Variants in DMD observed in about 807,000 individuals in gnomAD.
DMD encodes dystrophin.
Under a neutral mutation model 330.1 loss-of-function variants are expected in DMD, and 63 were observed. The ratio of observed to expected loss-of-function variants is 0.19; its 90% CI spans 0.16 to 0.24. DMD has a LOEUF of 0.24. DMD is among the 10% of genes least tolerant of loss of function. The pLI is 1.00. For synonymous variants in DMD, 1,223 were observed against 959.8 expected, an observed-to-expected ratio of 1.27 and a Z score of -5.07; for missense variants, 3,344 against 2,684.1, an observed-to-expected ratio of 1.25 and a Z score of -5.43.
chrX:33,078,489 T>C (rs1403800973), intron 1 of DMD, among the ~76,000 whole-genome samples: 1 of 112,029 alleles, frequency 8.9e-6, no homozygotes, highest in Non-Finnish European at 1.9e-5. Flanking sequence ...TGTCACTGAG[T>C]GTATTTTACT....
Position 32,863,509 on chromosome X carries a change from CA to C in DMD, c.94-13690del, listed in dbSNP as rs544421635. Among the ~76,000 whole-genome samples the C allele has an allele frequency of 1.2e-3, 57 of 49,051 alleles. 1 individual carries two copies. The highest frequency in any genetic ancestry group is 3.4e-3 in the East Asian group (5 of 1,463). The allele number at this position is 49,051 out of a possible 115,157, so 42.6% of individuals were successfully genotyped here. Reference sequence around the variant, plus strand: ...TGGGTGGCAGAGTGAGACTCCGTCTCAAAAAAAAAAAAAAAAGATTGTGTTT... The same window carrying C: ...TGGGTGGCAGAGTGAGACTCCGTCTCAAAAAAAAAAAAAAAGATTGTGTTT... On this transcript the variant is annotated intron_variant, in intron 2 of 78. Transcript: ENST00000357033.
At chrX:32,505,990 A>G (rs766037174) in intron 18 of DMD, among the ~76,000 whole-genome samples, 28 of 112,398 alleles carry the variant, frequency 2.5e-4, no homozygotes, top group Admixed American at 5.7e-4. Context: ...GTAAACTACA[A>G]AACAATCAGT....
intron 60 of DMD, among the ~76,000 whole-genome samples, chrX:31,397,257 A>C (rs2060986702): frequency 8.9e-6 from 1 of 112,140 alleles, no homozygotes; most frequent in Non-Finnish European, 1.9e-5. Flanking sequence ...CTCATGTTTT[A>C]ATTTCATCTC....
chrX:32,880,892 C>T (rs749836099), intron 2 of DMD, among the ~76,000 whole-genome samples: 3 of 112,351 alleles, frequency 2.7e-5, no homozygotes, highest in South Asian at 3.6e-4. Flanking sequence ...TGCGGTGAGC[C>T]GATATTGCGC....
chrX:32,807,141 AAAAAAAAAC>A (rs1160285000), intron 7 of DMD, among the ~76,000 whole-genome samples: 9 of 104,411 alleles, frequency 8.6e-5, no homozygotes, highest in African/African-American at 3.2e-4. Context: ...AAAAAAAAAA[AAAAAAAAAC>A]ATCAACAAAT....
chrX:32,644,243 A>G lies in DMD; in HGVS notation c.1220T>C (p.Ile407Thr), dbSNP rs200637510. The change falls in exon 11 of 79, where the codon ATT (isoleucine) becomes ACT (threonine). Residue 407 changes from isoleucine (I) to threonine (T), a missense_variant. Physicochemically the swap from Ile to Thr is moderately conservative, Grantham distance 89 (BLOSUM62 -1). Transcript: ENST00000357033. ...GNILQLGSKL[I>T]GTGKLSEDEE... is the part of the protein sequence containing the mutation. Reference sequence around the variant, plus strand: ...ATCTTCTGATAATTTTCCTGTTCCAATCAGCTTACTTCCCAATTGTAGAAT... The same window carrying G: ...ATCTTCTGATAATTTTCCTGTTCCAGTCAGCTTACTTCCCAATTGTAGAAT... 22 of 1,209,233 alleles carry G rather than the reference A, an allele frequency of 1.8e-5. No individual in the cohort carries two copies. Among genetic ancestry groups the G allele is most frequent in the Non-Finnish European group, 2.5e-5 (22 of 894,827 alleles).
intron 49 of DMD, among the ~76,000 whole-genome samples, chrX:31,831,389 C>G (rs73213898): frequency 0.089 from 9,918 of 111,638 alleles, 344 homozygotes; most frequent in Middle Eastern, 0.11. Flanking sequence ...GGAAATGCTA[C>G]TCAATTAAGA....
At chrX:32,429,387 G>GTTTTTTGTTTTTT (rs2098227537) in intron 29 of DMD, among the ~76,000 whole-genome samples, 1 of 44,197 alleles carries the variant, frequency 2.3e-5, no homozygotes, top group African/African-American at 1.1e-4. Context: ...TTTTTTTTGG[G>GTTTTTTGTTTTTT]TTTTTTTTTT....
chrX:31,875,490 G>T, intron 47 of DMD, 117 bp from the exon 48 acceptor site: 1 of 585,099 alleles, frequency 1.7e-6, no homozygotes. Flanking sequence ...TTACTGATTT[G>T]TGTTATTTTA....
At chrX:31,203,537 TA>T (rs11458645) in intron 67 of DMD, among the ~76,000 whole-genome samples, 1 of 108,492 alleles carries the variant, frequency 9.2e-6, no homozygotes, top group African/African-American at 3.4e-5. Context: ...AGGACAGTTT[TA>T]AAAAAAAGGA....
At chrX:32,402,775 A>C (rs1452132743) in intron 30 of DMD, among the ~76,000 whole-genome samples, 1 of 111,760 alleles carries the variant, frequency 8.9e-6, no homozygotes, top group Non-Finnish European at 1.9e-5. Flanking sequence ...ATCATAAGGC[A>C]TTATGACAAG....
chrX:32,495,541 CT>C (rs1287737230), intron 19 of DMD, among the ~76,000 whole-genome samples: 1 of 111,532 alleles, frequency 9.0e-6, no homozygotes. Flanking sequence ...CTTAATGTAC[CT>C]CTCTTCAATT....
At chrX:32,013,015 G>A (rs1433724550) in intron 44 of DMD, among the ~76,000 whole-genome samples, 1 of 108,406 alleles carries the variant, frequency 9.2e-6, no homozygotes, top group Non-Finnish European at 1.9e-5. Context: ...GCTACGTCAA[G>A]TGTGTGTTGA....
At chrX:31,256,741 CGTGTGTGTGTGTGT>C (rs35842618) in intron 63 of DMD, among the ~76,000 whole-genome samples, 1 of 97,954 alleles carries the variant, frequency 1.0e-5, no homozygotes, top group African/African-American at 3.7e-5. Context: ...ATATGTGGGG[CGTGTGTGTGTGTGT>C]GTGTGTGTGT....
chrX:32,964,021 G>A (rs867464851), intron 2 of DMD, among the ~76,000 whole-genome samples: 11 of 110,103 alleles, frequency 1.0e-4, no homozygotes, highest in Non-Finnish European at 1.3e-4. Flanking sequence ...TTGGGAGGCT[G>A]AGGTGGGCAG....
intron 3 of DMD, among the ~76,000 whole-genome samples, chrX:32,846,294 G>T (rs989070354): frequency 9.0e-6 from 1 of 111,464 alleles, no homozygotes; most frequent in Non-Finnish European, 1.9e-5. Context: ...CCAAACTTTT[G>T]TCTGTGTCTG....
At chrX:32,147,877 C>CTTT (rs779461772) in intron 44 of DMD, among the ~76,000 whole-genome samples, 5 of 87,966 alleles carry the variant, frequency 5.7e-5, no homozygotes, top group East Asian at 3.5e-4. Context: ...AAAATTTCTT[C>CTTT]TTTTTTTTTT....
chrX:32,995,044 G>T (rs36090513), intron 2 of DMD, among the ~76,000 whole-genome samples: 2,974 of 111,548 alleles, frequency 0.027, 73 homozygotes, highest in East Asian at 0.18. Flanking sequence ...GGTCAAGGCT[G>T]CAATGAGCCG....
At chrX:32,864,319 A>T (rs1043294860) in intron 2 of DMD, among the ~76,000 whole-genome samples, 3 of 111,504 alleles carry the variant, frequency 2.7e-5, no homozygotes, top group African/African-American at 9.8e-5. Context: ...GCTAGATACT[A>T]ATTTGGACTT....
Sources: gnomAD v4.1 joint callset for allele counts (sites outside exome capture counted in the v4.1 genomes callset) on GRCh38, gnomAD v4.1.1 for gene constraint, MANE v1.5 for transcripts, NCBI Gene and HGNC (gene_info 2026-07-23, HGNC 2026-07-21) for gene names.